SEMA3D: variants seen among roughly 807,000 people sequenced by gnomAD.
SEMA3D encodes the protein semaphorin 3D.
In SEMA3D, 84 loss-of-function variants were observed where a neutral mutation model predicts 100.1. The observed-to-expected ratio is 0.84, with a 90% CI of 0.70 to 1.01. The LOEUF (loss-of-function observed/expected upper bound fraction) is 1.01, where lower values mean the gene tolerates loss of function less well. SEMA3D is among the 50% of genes least tolerant of loss of function. The probability of loss-of-function intolerance (pLI) is 0.00; values close to 1 mark genes in which losing one functional copy is unlikely to be tolerated. For synonymous variants in SEMA3D, 312 were observed against 320.7 expected (o/e 0.97, Z 0.29); for missense variants, 875 against 934.1 (o/e 0.94, Z 0.82).
At chr7:85,125,681 C>G (rs374759644) in intron 2 of SEMA3D, among the ~76,000 whole-genome samples, 2 of 152,072 alleles carry the variant, frequency 1.3e-5, no homozygotes, top group South Asian at 4.1e-4. Flanking sequence ...TTCTTCCCAA[C>G]AATCCTATAA....
intron 2 of SEMA3D, among the ~76,000 whole-genome samples, chr7:85,126,128 G>A (rs1380703157): frequency 6.6e-6 from 1 of 151,894 alleles, no homozygotes; most frequent in African/African-American, 2.4e-5. Context: ...TTTCCCTAAG[G>A]AACACAAAGA....
chr7:85,042,314 T>A (rs767998805), intron 9 of SEMA3D, 29 bp from the exon 10 acceptor site: 68 of 1,481,856 alleles, frequency 4.6e-5, no homozygotes, highest in Non-Finnish European at 6.2e-5. Context: ...TAAAGATAAA[T>A]ATTTATCAAC....
the SEMA3D span, among the ~76,000 whole-genome samples, chr7:85,220,615 G>A: frequency 6.6e-6 from 1 of 152,034 alleles, no homozygotes; most frequent in Non-Finnish European, 1.5e-5. Flanking sequence ...TTTCTAGTGT[G>A]TAAAGTTAGG....
At chr7:85,067,612 A>T (rs1408071075) in intron 7 of SEMA3D, among the ~76,000 whole-genome samples, 1 of 152,198 alleles carries the variant, frequency 6.6e-6, no homozygotes, top group African/African-American at 2.4e-5. Context: ...TCCTTGGAAC[A>T]GACTTCAGAC....
chr7:85,071,477 C>G (rs1467072683), intron 6 of SEMA3D, among the ~76,000 whole-genome samples: 11 of 152,174 alleles, frequency 7.2e-5, no homozygotes, highest in Admixed American at 4.6e-4. Flanking sequence ...TTCAAAAACA[C>G]AGCGAATTAT....
At chr7:85,248,917 CA>C in the SEMA3D span, among the ~76,000 whole-genome samples, 1 of 152,092 alleles carries the variant, frequency 6.6e-6, no homozygotes, top group Non-Finnish European at 1.5e-5. Context: ...AGACATTACA[CA>C]TTTGTCAAAA....
chr7:85,157,577 A>C (rs1346706520), intron 1 of SEMA3D: 2 of 695,518 alleles, frequency 2.9e-6, no homozygotes, highest in Non-Finnish European at 3.5e-6. Flanking sequence ...ATATGATCTC[A>C]TATTTCTCTT....
At chr7:85,244,694 A>G in the SEMA3D span, among the ~76,000 whole-genome samples, 2 of 146,592 alleles carry the variant, frequency 1.4e-5, no homozygotes, top group African/African-American at 5.0e-5. Context: ...AAAATCCCGG[A>G]TGTACTGCAC....
intron 1 of SEMA3D, chr7:85,181,783 T>G: frequency 1.0e-6 from 1 of 981,926 alleles, no homozygotes; most frequent in Non-Finnish European, 1.2e-6. Flanking sequence ...CAGTGAAAGA[T>G]TAGCATGCTA....
At chr7:85,249,615 T>C in the SEMA3D span, among the ~76,000 whole-genome samples, 1 of 152,152 alleles carries the variant, frequency 6.6e-6, no homozygotes, top group Non-Finnish European at 1.5e-5. Flanking sequence ...AAAAAACAAT[T>C]GAGGACCTAC....
chr7:85,221,908 A>G, the SEMA3D span, among the ~76,000 whole-genome samples: 8 of 152,046 alleles, frequency 5.3e-5, no homozygotes, highest in East Asian at 7.7e-4. Context: ...ATAGGTTAAT[A>G]TGTATATTAA....
At chr7:85,158,363 G>T (rs1790654915) in intron 1 of SEMA3D, among the ~76,000 whole-genome samples, 1 of 152,118 alleles carries the variant, frequency 6.6e-6, no homozygotes, top group Non-Finnish European at 1.5e-5. Context: ...GGCCGCTTTG[G>T]GGACGGCTGT....
chr7:85,137,622 C>T (rs1010166961), intron 2 of SEMA3D, among the ~76,000 whole-genome samples: 1 of 152,094 alleles, frequency 6.6e-6, no homozygotes, highest in Admixed American at 6.6e-5. Flanking sequence ...GGACTTGACC[C>T]ATAGACTTCA....
the SEMA3D span, among the ~76,000 whole-genome samples, chr7:85,197,675 A>T: frequency 6.6e-6 from 1 of 152,168 alleles, no homozygotes. Flanking sequence ...AATCTCTTAA[A>T]ATATTTTACA....
rs1469567788 is a variant in SEMA3D, at chr7:85,015,007, A to G, written c.1703+52T>C. On this transcript the variant is annotated intron_variant, in intron 16 of 18. Transcript: ENST00000284136. ...CTATAAGACAAAGCATTAATGTGAG[A>G]TATTCAGCTTGTAGAAAGGAAGCCT... The G allele has an allele frequency of 6.1e-5, 83 of 1,367,712 alleles. No homozygotes were observed. In the South Asian group the frequency reaches 9.5e-4, roughly 16 times the overall value. The allele number at this position is 1,367,712 out of a possible 1,614,324, so 84.7% of individuals were successfully genotyped here.
At chr7:85,196,185 G>A in the SEMA3D span, among the ~76,000 whole-genome samples, 1 of 152,078 alleles carries the variant, frequency 6.6e-6, no homozygotes, top group African/African-American at 2.4e-5. Context: ...ATGCATTAAC[G>A]TTTTGAATGT....
chr7:85,143,080 GT>G (rs1261650898), intron 2 of SEMA3D: 15 of 928,822 alleles, frequency 1.6e-5, no homozygotes, highest in Non-Finnish European at 1.4e-5. Flanking sequence ...CTTACAATTA[GT>G]TATTCACAAT....
At chr7:85,065,169 C>A (rs920860766) in intron 8 of SEMA3D, among the ~76,000 whole-genome samples, 1 of 152,038 alleles carries the variant, frequency 6.6e-6, no homozygotes, top group Admixed American at 6.6e-5. Context: ...TCCCAGATGT[C>A]ATTGTGAATA....
intron 1 of SEMA3D, among the ~76,000 whole-genome samples, chr7:85,168,905 G>T (rs1260796841): frequency 6.6e-6 from 1 of 151,046 alleles, no homozygotes; most frequent in Admixed American, 6.6e-5. Context: ...AGAGAAACAA[G>T]GAGGGCAGTA....
Sources: allele counts gnomAD v4.1 joint callset (sites outside exome capture counted in the v4.1 genomes callset), GRCh38; gene constraint gnomAD v4.1.1; transcripts MANE v1.5; gene names NCBI Gene and HGNC (gene_info 2026-07-23, HGNC 2026-07-21).